Variants in RABGAP1L observed in about 807,000 individuals in gnomAD.
RABGAP1L encodes the protein rab GTPase-activating protein 1-like.
A neutral mutation model predicts 137.7 loss-of-function variants in RABGAP1L; 63 were observed. The observed-to-expected ratio is 0.46, with a 90% CI of 0.37 to 0.56. The LOEUF (loss-of-function observed/expected upper bound fraction) is 0.56, where lower values mean the gene tolerates loss of function less well. Among genes scored for constraint, RABGAP1L ranks in the 20% least tolerant of loss-of-function variants. The probability of loss-of-function intolerance (pLI) is 0.00; values close to 1 mark genes in which losing one functional copy is unlikely to be tolerated. For synonymous variants in RABGAP1L, 431 were observed against 433.7 expected (o/e 0.99, Z 0.08); for missense variants, 1,095 against 1,244.0 (o/e 0.88, Z 1.80).
chr1:174,889,631 T>C (rs1167492071), intron 19 of RABGAP1L, among the ~76,000 whole-genome samples: 1 of 152,000 alleles, frequency 6.6e-6, no homozygotes, highest in Non-Finnish European at 1.5e-5. Context: ...GTGTCTCACA[T>C]TGTTGCTTAG....
intron 18 of RABGAP1L, among the ~76,000 whole-genome samples, chr1:174,808,838 G>A (rs995302146): frequency 6.6e-5 from 10 of 151,922 alleles, no homozygotes; most frequent in Admixed American, 5.9e-4. Context: ...TATATTTTTA[G>A]TAGAGATGGA....
At chr1:174,608,710 A>G (rs546585452) in intron 13 of RABGAP1L, among the ~76,000 whole-genome samples, 6 of 152,282 alleles carry the variant, frequency 3.9e-5, no homozygotes, top group African/African-American at 1.2e-4. Context: ...TAACGGGACA[A>G]TATTACAGAT....
At chr1:174,936,779 G>A (rs2149275823) in intron 19 of RABGAP1L, among the ~76,000 whole-genome samples, 1 of 152,012 alleles carries the variant, frequency 6.6e-6, no homozygotes, top group Non-Finnish European at 1.5e-5. Context: ...AAGTAGCAGA[G>A]CTTATTACTT....
intron 15 of RABGAP1L, among the ~76,000 whole-genome samples, chr1:174,691,592 CCT>C (rs1403623073): frequency 2.0e-5 from 3 of 151,986 alleles, no homozygotes; most frequent in East Asian, 1.9e-4. Context: ...ATGTTTATCC[CCT>C]CTTTTCCTTA....
In RABGAP1L at chr1:174,327,319, TATA is replaced by T. The variant is rs916642052; in HGVS notation, c.1465+22197_1465+22199del. Among the ~76,000 whole-genome samples, 35 of 79,482 alleles carry T rather than the reference TATA, an allele frequency of 4.4e-4. 1 individual carries two copies. The highest frequency in any genetic ancestry group is 4.0e-3 in the East Asian group (18 of 4,502). 52.1% of individuals were successfully genotyped at this position (79,482 alleles called of 152,430 possible). On this transcript the variant is annotated intron_variant, in intron 11 of 25. Coordinates refer to ENST00000681986, the MANE Select transcript of RABGAP1L (RefSeq NM_001366446.1). ...TTATGTATATAATAAGGTATAATAA[TATA>T]ATAAGGTATAAAAAGATGTATATAA...
intron 13 of RABGAP1L, among the ~76,000 whole-genome samples, chr1:174,636,902 A>G (rs1294562673): frequency 1.3e-5 from 2 of 152,200 alleles, no homozygotes; most frequent in Non-Finnish European, 1.5e-5. Flanking sequence ...TGTTATATAA[A>G]TAGAAAAAAA....
intron 10 of RABGAP1L, among the ~76,000 whole-genome samples, chr1:174,295,139 G>A (rs187033793): frequency 9.4e-4 from 142 of 151,672 alleles, no homozygotes; most frequent in African/African-American, 3.1e-3. Flanking sequence ...AGATGGGCTC[G>A]ATGTCCTGAC....
At position 174,914,954 on chromosome 1, in the gene RABGAP1L, G is replaced by T. The variant is rs117467414; in HGVS notation, c.2341-42503G>T. ...TTTTACTTGGCATAATGATTTTGAG[G>T]TTAATCTCTGCTATAGTAAATAACA... On this transcript the variant is annotated intron_variant, in intron 19 of 25. Coordinates refer to ENST00000681986, the MANE Select transcript of RABGAP1L (RefSeq NM_001366446.1). 6.7e-3 allele frequency among the ~76,000 whole-genome samples: 1,015 copies of T among 152,230 alleles called. 25 individuals are homozygous for T. Among genetic ancestry groups the T allele is most frequent in the Admixed American group, 0.049 (745 of 15,294 alleles).
Position 174,602,515 on chromosome 1 carries a change from T to C in RABGAP1L, c.1711-34860T>C, listed in dbSNP as rs566669993. Among the ~76,000 whole-genome samples, 65 of 152,324 alleles carry C rather than the reference T, an allele frequency of 4.3e-4. 1 individual carries two copies. The highest frequency in any genetic ancestry group is 1.5e-3 in the African/African-American group (63 of 41,570). ...CACAACACGTGGAAATTCTGGGAGA[T>C]GCAATTCAAGTTGAGATTTGAATGG... On this transcript the variant is annotated intron_variant, in intron 13 of 25. Transcript: ENST00000681986.
intron 18 of RABGAP1L, among the ~76,000 whole-genome samples, chr1:174,762,792 C>T (rs1042836188): frequency 7.3e-5 from 11 of 150,270 alleles, no homozygotes; most frequent in Non-Finnish European, 1.3e-4. Flanking sequence ...GCTTTTTCAA[C>T]CCAGGTCTCC....
intron 11 of RABGAP1L, among the ~76,000 whole-genome samples, chr1:174,324,884 A>T (rs969299526): frequency 3.9e-5 from 6 of 152,236 alleles, no homozygotes; most frequent in Non-Finnish European, 7.3e-5. Flanking sequence ...TGGGGGGATT[A>T]TGGAACCTCT....
At chr1:174,575,042 T>C (rs909766460) in intron 13 of RABGAP1L, among the ~76,000 whole-genome samples, 11 of 152,218 alleles carry the variant, frequency 7.2e-5, no homozygotes, top group African/African-American at 2.7e-4. Context: ...GCGATTCTCC[T>C]GCCTCAGCCT....
chr1:174,447,192 G>C (rs1465002715), intron 13 of RABGAP1L, among the ~76,000 whole-genome samples: 2 of 152,158 alleles, frequency 1.3e-5, no homozygotes, highest in African/African-American at 4.8e-5. Context: ...AACTGTAATG[G>C]ATTAAAACTG....
intron 13 of RABGAP1L, among the ~76,000 whole-genome samples, chr1:174,444,611 A>G (rs541404807): frequency 6.6e-6 from 1 of 151,872 alleles, no homozygotes; most frequent in Admixed American, 6.6e-5. Context: ...TATTGCTTCA[A>G]TCTCTTTACT....
chr1:174,544,467 C>G (rs1333699712), intron 13 of RABGAP1L, among the ~76,000 whole-genome samples: 3 of 152,140 alleles, frequency 2.0e-5, no homozygotes, highest in Admixed American at 6.5e-5. Flanking sequence ...AAGGTCTTGT[C>G]TATGCTCTTT....
chr1:174,265,327 C>A (rs1233970450), intron 7 of RABGAP1L, among the ~76,000 whole-genome samples: 1 of 152,006 alleles, frequency 6.6e-6, no homozygotes, highest in Non-Finnish European at 1.5e-5. Flanking sequence ...AGGGATTAAA[C>A]CATGTCAGAC....
At chr1:174,190,793 C>T (rs1667159614) in intron 1 of RABGAP1L, among the ~76,000 whole-genome samples, 1 of 152,240 alleles carries the variant, frequency 6.6e-6, no homozygotes, top group Non-Finnish European at 1.5e-5. Flanking sequence ...ATGTTGCCTT[C>T]CTCAGTAAGC....
intron 18 of RABGAP1L, among the ~76,000 whole-genome samples, chr1:174,762,089 T>C (rs1685272746): frequency 1.3e-5 from 2 of 152,036 alleles, no homozygotes; most frequent in Admixed American, 1.3e-4. Context: ...GAGGGACAGA[T>C]GGAAGCCAGC....
At chr1:174,966,685 A>G (rs1023748494) in intron 20 of RABGAP1L, among the ~76,000 whole-genome samples, 4 of 152,180 alleles carry the variant, frequency 2.6e-5, no homozygotes, top group African/African-American at 9.7e-5. Flanking sequence ...CTGTAGATTG[A>G]GGGGAACAGA....
Sources: allele counts gnomAD v4.1 joint callset (sites outside exome capture counted in the v4.1 genomes callset), GRCh38; gene constraint gnomAD v4.1.1; transcripts MANE v1.5; gene names NCBI Gene and HGNC (gene_info 2026-07-23, HGNC 2026-07-21).